Variants in NSG2 observed in about 807,000 individuals in gnomAD.
NSG2 encodes neuronal vesicle trafficking associated 2.
A neutral mutation model predicts 16.9 loss-of-function variants in NSG2; 4 were observed. The ratio of observed to expected loss-of-function variants is 0.24; its 90% CI spans 0.12 to 0.54. The LOEUF is 0.54. NSG2 is among the 20% of genes least tolerant of loss of function. The pLI, the probability that NSG2 is intolerant of heterozygous loss-of-function variation, is 0.95. For synonymous variants in NSG2, 98 were observed against 88.7 expected (o/e 1.11, Z -0.59); for missense variants, 179 against 221.1 (o/e 0.81, Z 1.21).
Position 174,091,820 on chromosome 5 carries a change from T to A in NSG2, c.214-12408T>A, listed in dbSNP as rs1200889183. ...TTCTAGGTCTTGCTTTACTACTAAT[T>A]GGCTGGATAATCCATTATTTAATCC... On this transcript the variant is annotated intron_variant, in intron 3 of 4. Coordinates refer to ENST00000303177, the MANE Select transcript of NSG2 (RefSeq NM_015980.5). 2.0e-5 allele frequency among the ~76,000 whole-genome samples: 3 copies of A among 152,282 alleles called. No individual in the cohort carries two copies. The East Asian group carries it at 5.8e-4, about 29-fold the overall frequency.
chr5:174,093,868 T>A (rs984694042), intron 3 of NSG2, among the ~76,000 whole-genome samples: 1 of 152,180 alleles, frequency 6.6e-6, no homozygotes, highest in Non-Finnish European at 1.5e-5. Flanking sequence ...GTTAATGAAG[T>A]TCATGTTTCC....
chr5:174,093,988 C>A lies in NSG2; in HGVS notation c.214-10240C>A, dbSNP rs566756183. Among the ~76,000 whole-genome samples the A allele has an allele frequency of 5.3e-5, 8 of 152,308 alleles. No individual in the cohort carries two copies. The South Asian group carries it at 8.3e-4, about 16-fold the overall frequency. ...GGTTTCTACCTGGGTGGTGACATAT[C>A]TTCCTAGAATAAGTTTACAGTATGC... On this transcript the variant is annotated intron_variant, in intron 3 of 4. Transcript: ENST00000303177.
chr5:174,088,718 TC>T (rs1760673178), intron 3 of NSG2, among the ~76,000 whole-genome samples: 1 of 152,186 alleles, frequency 6.6e-6, no homozygotes. Context: ...CACAATGATT[TC>T]ATTTCCTCCT....
intron 1 of NSG2, 26 bp from the exon 2 acceptor site, chr5:174,046,708 A>T (rs1759805257): frequency 6.2e-7 from 1 of 1,611,808 alleles, no homozygotes; most frequent in Admixed American, 1.7e-5. Context: ...CTCCTGCTGT[A>T]ACCAGAATCC....
intron 2 of NSG2, among the ~76,000 whole-genome samples, chr5:174,053,392 G>T (rs1421484338): frequency 6.6e-6 from 1 of 152,142 alleles, no homozygotes; most frequent in Non-Finnish European, 1.5e-5. Context: ...GGTTTCACAG[G>T]TGGGTGTGGG....
intron 4 of NSG2, 70 bp downstream of exon 4, chr5:174,104,408 C>T (rs984184825): frequency 1.9e-6 from 2 of 1,058,932 alleles, no homozygotes; most frequent in African/African-American, 3.1e-5. Flanking sequence ...GTCTTCTCTT[C>T]ACTGGTGTCC....
rs1171685384 is a variant in NSG2 at position 174,109,178 on chromosome 5, G to C, written c.*1673G>C. ...AACAAATAAAGATAGATGTGTCTGAGAGTCTTGACCTTCCTTTGCAATGTT... is the reference window on the plus strand; with the variant it reads ...AACAAATAAAGATAGATGTGTCTGACAGTCTTGACCTTCCTTTGCAATGTT... On this transcript the variant is annotated 3_prime_UTR_variant, in exon 5 of 5. Coordinates refer to ENST00000303177, the MANE Select transcript of NSG2 (RefSeq NM_015980.5). The C allele has an allele frequency of 2.6e-5, 4 of 152,912 alleles. No homozygotes were observed. The highest frequency in any genetic ancestry group is 5.9e-5 in the Non-Finnish European group (4 of 68,044). 9.5% of individuals were successfully genotyped at this position (152,912 alleles called of 1,614,324 possible). A position where few individuals can be genotyped will look rare whatever the true frequency, so the allele number is the denominator to read the frequency against.
intron 3 of NSG2, among the ~76,000 whole-genome samples, chr5:174,085,505 A>C (rs1325045947): frequency 1.3e-5 from 2 of 152,196 alleles, no homozygotes; most frequent in African/African-American, 4.8e-5. Context: ...CATTTTCTTA[A>C]TAGCAAATTA....
At chr5:174,066,031 G>A (rs1292998963) in intron 3 of NSG2, among the ~76,000 whole-genome samples, 1 of 152,188 alleles carries the variant, frequency 6.6e-6, no homozygotes, top group Non-Finnish European at 1.5e-5. Context: ...ATGTGGGTTT[G>A]TTTGTCTTTG....
intron 3 of NSG2, among the ~76,000 whole-genome samples, chr5:174,088,158 G>T (rs1344393189): frequency 1.3e-5 from 2 of 152,200 alleles, no homozygotes; most frequent in African/African-American, 2.4e-5. Context: ...AGCCAGACAG[G>T]TGAGCTCCAT....
intron 2 of NSG2, among the ~76,000 whole-genome samples, chr5:174,052,773 A>G (rs527880151): frequency 6.6e-6 from 1 of 152,278 alleles, no homozygotes; most frequent in African/African-American, 2.4e-5. Flanking sequence ...GGGTGCATCA[A>G]AGGAAAACAG....
chr5:174,087,931 T>C (rs550633146), intron 3 of NSG2, among the ~76,000 whole-genome samples: 1 of 152,318 alleles, frequency 6.6e-6, no homozygotes, highest in East Asian at 1.9e-4. Flanking sequence ...ACTCCTTCTC[T>C]AGGGATTGAC....
chr5:174,101,470 C>T (rs1328102203), intron 3 of NSG2, among the ~76,000 whole-genome samples: 2 of 152,224 alleles, frequency 1.3e-5, no homozygotes. Flanking sequence ...CCCAGACCCC[C>T]TAGTCCTAGC....
intron 3 of NSG2, among the ~76,000 whole-genome samples, chr5:174,075,925 G>A (rs1348653337): frequency 6.6e-6 from 1 of 152,220 alleles, no homozygotes; most frequent in African/African-American, 2.4e-5. Flanking sequence ...GCTCAGCTCT[G>A]TGATCCAAGT....
chr5:174,068,100 AT>A (rs1490046100), intron 3 of NSG2, among the ~76,000 whole-genome samples: 12 of 152,228 alleles, frequency 7.9e-5, no homozygotes, highest in African/African-American at 2.9e-4. Flanking sequence ...CACCCTGCAG[AT>A]ATATTGCCCG....
intron 3 of NSG2, chr5:174,082,188 G>A (rs758255993): frequency 1.3e-5 from 2 of 152,054 alleles, no homozygotes; most frequent in Admixed American, 6.5e-5. Context: ...CAATTTTTTC[G>A]AGTGGCCCCA....
rs1217094728 is a variant in NSG2, at chr5:174,053,818, G to A, written c.129+6934G>A. Among the ~76,000 whole-genome samples the A allele has an allele frequency of 2.0e-5, 3 of 152,110 alleles. No homozygotes were observed. The East Asian group carries it at 5.8e-4, about 29-fold the overall frequency. On this transcript the variant is annotated intron_variant, in intron 2 of 4. Transcript: ENST00000303177. ...GATATTTCCTCATGTTGACAATACT[G>A]GGGCAAACTTGTCCTCAGTTTGCTC...
chr5:174,076,151 G>A (rs1018044664), intron 3 of NSG2, among the ~76,000 whole-genome samples: 2 of 152,198 alleles, frequency 1.3e-5, no homozygotes, highest in Non-Finnish European at 2.9e-5. Context: ...AAATGGGGAT[G>A]CCAGTGCCCA....
At chr5:174,052,300 G>T (rs1482876806) in intron 2 of NSG2, among the ~76,000 whole-genome samples, 1 of 152,150 alleles carries the variant, frequency 6.6e-6, no homozygotes, top group East Asian at 1.9e-4. Flanking sequence ...GGCAGTGGCA[G>T]TGGGGTGGGG....
Sources: allele counts gnomAD v4.1 joint callset (sites outside exome capture counted in the v4.1 genomes callset), GRCh38; gene constraint gnomAD v4.1.1; transcripts MANE v1.5; gene names NCBI Gene and HGNC (gene_info 2026-07-23, HGNC 2026-07-21).